The following ARFGEF2 variants were observed in gnomAD, a reference collection of about 807,000 sequenced individuals.
ARFGEF2 encodes the protein brefeldin A-inhibited guanine nucleotide-exchange protein 2.
Under a neutral mutation model 219.9 loss-of-function variants are expected in ARFGEF2, and 74 were observed. That is an observed-to-expected ratio of 0.34 (90% CI 0.28 to 0.41). The LOEUF is 0.41. ARFGEF2 is among the 10% of genes least tolerant of loss of function. The pLI is 1.00. For synonymous variants in ARFGEF2, 733 were observed against 799.2 expected (o/e 0.92, Z 1.40); for missense variants, 1,743 against 2,218.3 (o/e 0.79, Z 4.30).
intron 28 of ARFGEF2, 81 bp from the exon 29 acceptor site, chr20:49,013,483 C>A: frequency 6.4e-7 from 1 of 1,571,058 alleles, no homozygotes; most frequent in African/African-American, 1.3e-5. Flanking sequence ...ATGTGTGGGG[C>A]CTTAATCTGC....
intron 6 of ARFGEF2, among the ~76,000 whole-genome samples, chr20:48,959,651 C>T (rs1278784944): frequency 7.0e-6 from 1 of 142,112 alleles, no homozygotes; most frequent in Admixed American, 7.2e-5. Flanking sequence ...ACTCTGTCAC[C>T]CAGGCTGGAG....
intron 7 of ARFGEF2, among the ~76,000 whole-genome samples, chr20:48,964,133 G>C (rs191043923): frequency 6.6e-6 from 1 of 152,320 alleles, no homozygotes; most frequent in Non-Finnish European, 1.5e-5. Flanking sequence ...TCTGGGCCAG[G>C]CGCGGTGGCT....
chr20:49,022,429 CAA>C (rs1193595894), intron 34 of ARFGEF2, among the ~76,000 whole-genome samples: 1 of 140,598 alleles, frequency 7.1e-6, no homozygotes, highest in Admixed American at 7.0e-5. Flanking sequence ...ACAACAACAA[CAA>C]AAAAAAAAAA....
At chr20:48,957,916 T>C (rs1445932044) in intron 6 of ARFGEF2, among the ~76,000 whole-genome samples, 2 of 152,182 alleles carry the variant, frequency 1.3e-5, no homozygotes, top group Non-Finnish European at 2.9e-5. Flanking sequence ...ATATACTCTA[T>C]CCCTCCAAAA....
chr20:48,962,346 G>A (rs2091158508), intron 6 of ARFGEF2, among the ~76,000 whole-genome samples: 1 of 152,184 alleles, frequency 6.6e-6, no homozygotes, highest in Admixed American at 6.5e-5. Context: ...AAGTTGTGCT[G>A]TGACATAATG....
intron 26 of ARFGEF2, among the ~76,000 whole-genome samples, chr20:49,008,710 T>G (rs1175542057): frequency 2.1e-5 from 3 of 142,732 alleles, no homozygotes; most frequent in East Asian, 3.9e-4. Context: ...TGTAAAGGTT[T>G]TTTTTTTTTT....
chr20:48,973,030 T>C (rs930931665), intron 11 of ARFGEF2, 115 bp from the exon 12 acceptor site: 4 of 1,170,386 alleles, frequency 3.4e-6, no homozygotes, highest in Non-Finnish European at 5.1e-6. Flanking sequence ...GAGTGAGATG[T>C]GGCCACCGGA....
intron 23 of ARFGEF2, among the ~76,000 whole-genome samples, chr20:48,996,088 G>GTTT (rs2123476122): frequency 6.6e-6 from 1 of 152,262 alleles, no homozygotes; most frequent in African/African-American, 2.4e-5. Context: ...AAAAATAAGA[G>GTTT]TTTTTCGCTT....
chr20:49,002,165 G>T (rs376648122), intron 25 of ARFGEF2, among the ~76,000 whole-genome samples: 5 of 152,236 alleles, frequency 3.3e-5, no homozygotes, highest in South Asian at 4.1e-4. Flanking sequence ...TCGAACCCGG[G>T]GGGTGGAGGT....
intron 37 of ARFGEF2, among the ~76,000 whole-genome samples, chr20:49,029,075 C>T (rs541586217): frequency 6.6e-6 from 1 of 152,288 alleles, no homozygotes; most frequent in Non-Finnish European, 1.5e-5. Context: ...TCCTTCTTTC[C>T]AAGAAGAGTG....
intron 34 of ARFGEF2, 76 bp from the exon 35 acceptor site, chr20:49,022,975 A>G (rs1338979871): frequency 6.3e-7 from 1 of 1,587,490 alleles, no homozygotes; most frequent in Non-Finnish European, 8.6e-7. Context: ...TGCCTTGCAC[A>G]TAGTAGGAGC....
chr20:48,983,660 T>C (rs2091309649), intron 14 of ARFGEF2, among the ~76,000 whole-genome samples: 1 of 152,192 alleles, frequency 6.6e-6, no homozygotes, highest in Admixed American at 6.5e-5. Flanking sequence ...TTCAGCTCTT[T>C]TTACCATGGT....
At chr20:48,927,990 T>C (rs948145311) in intron 1 of ARFGEF2, among the ~76,000 whole-genome samples, 3 of 152,138 alleles carry the variant, frequency 2.0e-5, no homozygotes, top group Admixed American at 6.6e-5. Flanking sequence ...AGAGAGTTGA[T>C]TGAGACTTTG....
intron 25 of ARFGEF2, among the ~76,000 whole-genome samples, chr20:49,001,831 C>T (rs1345074957): frequency 3.9e-5 from 6 of 152,166 alleles, no homozygotes; most frequent in Admixed American, 6.5e-5. Flanking sequence ...TGGTTTGTTT[C>T]GCTTTTTAAA....
intron 26 of ARFGEF2, among the ~76,000 whole-genome samples, chr20:49,005,907 G>A (rs997795871): frequency 3.9e-5 from 6 of 152,048 alleles, no homozygotes; most frequent in Middle Eastern, 3.2e-3. Context: ...TCAGGATACC[G>A]GGCCCTGTGA....
At chr20:49,014,076 C>G in intron 30 of ARFGEF2, 116 bp downstream of exon 30, 1 of 1,399,616 alleles carries the variant, frequency 7.1e-7, no homozygotes, top group Non-Finnish European at 1.0e-6. Context: ...TACTGAGCAA[C>G]TTAAGGTTTT....
intron 27 of ARFGEF2, among the ~76,000 whole-genome samples, chr20:49,010,657 G>C (rs2070460144): frequency 6.6e-6 from 1 of 152,224 alleles, no homozygotes; most frequent in African/African-American, 2.4e-5. Context: ...AAACGTGAAT[G>C]TTATTTCAAG....
chr20:49,004,947 C>A, intron 25 of ARFGEF2, 123 bp from the exon 26 acceptor site: 1 of 1,081,466 alleles, frequency 9.2e-7, no homozygotes, highest in Non-Finnish European at 1.4e-6. Context: ...TTTCTTTTCT[C>A]CTTAGGTGTG....
chr20:48,947,729 G>A (rs889964999), intron 3 of ARFGEF2, among the ~76,000 whole-genome samples: 1 of 152,078 alleles, frequency 6.6e-6, no homozygotes, highest in Non-Finnish European at 1.5e-5. Flanking sequence ...AGTGGCATGC[G>A]CCTGTGGTTC....
Sources: allele counts gnomAD v4.1 joint callset (sites outside exome capture counted in the v4.1 genomes callset), GRCh38; gene constraint gnomAD v4.1.1; transcripts MANE v1.5; gene names NCBI Gene and HGNC (gene_info 2026-07-23, HGNC 2026-07-21).